ZBTB16: variants seen among roughly 807,000 people sequenced by gnomAD.
ZBTB16 encodes the protein zinc finger and BTB domain-containing protein 16.
Under a neutral mutation model 56.8 loss-of-function variants are expected in ZBTB16, and 8 were observed. That is an observed-to-expected ratio of 0.14 (90% CI 0.08 to 0.25). The LOEUF is 0.25. Ranked by LOEUF, ZBTB16 falls within the 10% of genes least tolerant of loss-of-function variation. ZBTB16 has a pLI of 1.00. For synonymous variants in ZBTB16, 363 were observed against 368.5 expected, an observed-to-expected ratio of 0.98 and a Z score of 0.17; for missense variants, 625 against 903.0, an observed-to-expected ratio of 0.69 and a Z score of 3.95.
At chr11:114,220,856 G>A (rs1044877031) in intron 4 of ZBTB16, among the ~76,000 whole-genome samples, 3 of 152,180 alleles carry the variant, frequency 2.0e-5, no homozygotes, top group Admixed American at 2.0e-4. Context: ...AGTTTTGGGT[G>A]GTGCAGGTCC....
At chr11:114,217,630 T>C (rs1944135409) in intron 4 of ZBTB16, among the ~76,000 whole-genome samples, 1 of 152,156 alleles carries the variant, frequency 6.6e-6, no homozygotes. Flanking sequence ...GCTAGGTATA[T>C]GGATTTTGTG....
At chr11:114,106,472 CTT>C (rs59505866) in intron 2 of ZBTB16, among the ~76,000 whole-genome samples, 26 of 139,540 alleles carry the variant, frequency 1.9e-4, no homozygotes, top group Admixed American at 2.9e-4. Context: ...TCACGATCTT[CTT>C]TTTTTTTTTT....
intron 2 of ZBTB16, among the ~76,000 whole-genome samples, chr11:114,148,393 TTCCCTCCC>T (rs869187426): frequency 3.6e-5 from 1 of 27,442 alleles, no homozygotes; most frequent in Non-Finnish European, 7.5e-5. Context: ...TCCTTCCTCC[TTCCCTCCC>T]TCCCTCCCTC....
chr11:114,206,232 C>T (rs1943869150), intron 4 of ZBTB16, among the ~76,000 whole-genome samples: 1 of 152,174 alleles, frequency 6.6e-6, no homozygotes, highest in East Asian at 1.9e-4. Context: ...ATTAGGGGTC[C>T]TAGAATTCTA....
intron 2 of ZBTB16, among the ~76,000 whole-genome samples, chr11:114,070,420 C>T (rs943104122): frequency 6.6e-6 from 1 of 152,196 alleles, no homozygotes; most frequent in African/African-American, 2.4e-5. Context: ...GAGTACCTTT[C>T]TAAAGTCTGA....
At chr11:114,161,807 T>C (rs1479011656) in intron 3 of ZBTB16, among the ~76,000 whole-genome samples, 1 of 147,286 alleles carries the variant, frequency 6.8e-6, no homozygotes, top group Non-Finnish European at 1.5e-5. Context: ...TAGAAGGGAC[T>C]GTTGGGCTTT....
chr11:114,247,153 G>A, intron 5 of ZBTB16, 45 bp from the exon 6 acceptor site: 1 of 1,614,026 alleles, frequency 6.2e-7, no homozygotes, highest in Non-Finnish European at 8.5e-7. Context: ...CCTGAAGAGG[G>A]GGCAGGGAGA....
At chr11:114,213,076 G>A (rs1353358742) in intron 4 of ZBTB16, among the ~76,000 whole-genome samples, 1 of 151,958 alleles carries the variant, frequency 6.6e-6, no homozygotes, top group Non-Finnish European at 1.5e-5. Context: ...TGTGCCCACA[G>A]GGGGCCATCC....
At chr11:114,149,417 A>T (rs1179413942) in intron 2 of ZBTB16, among the ~76,000 whole-genome samples, 1 of 151,940 alleles carries the variant, frequency 6.6e-6, no homozygotes, top group Non-Finnish European at 1.5e-5. Flanking sequence ...GTCTTCCCTA[A>T]CTCTCCTGGT....
At chr11:114,247,122 A>C (rs1054062454) in intron 5 of ZBTB16, 76 bp from the exon 6 acceptor site, 1 of 1,607,146 alleles carries the variant, frequency 6.2e-7, no homozygotes, top group Non-Finnish European at 8.5e-7. Context: ...CTTCTCATGC[A>C]CAGAATGTGC....
Position 114,252,417 on chromosome 11 carries a change from G to A in ZBTB16, c.*1862G>A, listed in dbSNP as rs1263843530. Among the ~76,000 whole-genome samples the A allele has an allele frequency of 1.9e-4, 29 of 151,836 alleles. No individual in the cohort carries two copies. Among genetic ancestry groups the A allele is most frequent in the Admixed American group, 1.4e-3 (22 of 15,246 alleles). On this transcript the variant is annotated 3_prime_UTR_variant, in exon 7 of 7. Transcript: ENST00000335953. ...GATCCAGCCTTTGTTTTGTTGTGTT[G>A]GGGTGGGGGTGTTGTTTTTCTAAAA...
intron 4 of ZBTB16, chr11:114,189,796 T>C (rs1263158169): frequency 6.6e-6 from 1 of 151,526 alleles, no homozygotes; most frequent in Non-Finnish European, 1.5e-5. Flanking sequence ...AACACAGAAT[T>C]ATCATACGAT....
chr11:114,120,080 A>G (rs141067969), intron 2 of ZBTB16, among the ~76,000 whole-genome samples: 55 of 152,328 alleles, frequency 3.6e-4, no homozygotes, highest in African/African-American at 1.3e-3. Flanking sequence ...GTCTGGAGGC[A>G]GTGGAATGAG....
chr11:114,075,169 A>G (rs1330286719), intron 2 of ZBTB16, among the ~76,000 whole-genome samples: 1 of 152,166 alleles, frequency 6.6e-6, no homozygotes, highest in East Asian at 1.9e-4. Flanking sequence ...GTTGGCTGCA[A>G]AGTGGTAAGA....
rs531730779 is a variant in ZBTB16, at chr11:114,252,993, G to T, written c.*2438G>T. Reference sequence around the variant, plus strand: ...GGAAAAGAAGTTAAACTTGAAATACGTGACTAGAACAGTTGTCATGTTTAT... The same window carrying T: ...GGAAAAGAAGTTAAACTTGAAATACTTGACTAGAACAGTTGTCATGTTTAT... On this transcript the variant is annotated 3_prime_UTR_variant, in exon 7 of 7. Coordinates refer to ENST00000335953, the MANE Select transcript of ZBTB16 (RefSeq NM_006006.6). Among the ~76,000 whole-genome samples, 1 of 152,144 alleles carries T rather than the reference G, an allele frequency of 6.6e-6. No homozygotes were observed. The highest frequency in any genetic ancestry group is 1.5e-5 in the Non-Finnish European group (1 of 68,042).
chr11:114,153,796 A>G (rs934887643), intron 2 of ZBTB16, among the ~76,000 whole-genome samples: 2 of 152,214 alleles, frequency 1.3e-5, no homozygotes, highest in Non-Finnish European at 2.9e-5. Flanking sequence ...CTTTTGAATG[A>G]TAAAATTTTG....
chr11:114,216,995 ACCC>A (rs1944117418), intron 4 of ZBTB16, among the ~76,000 whole-genome samples: 1 of 152,228 alleles, frequency 6.6e-6, no homozygotes, highest in Admixed American at 6.5e-5. Context: ...CTCAGCAGAT[ACCC>A]AGGGGACAGA....
chr11:114,182,248 C>T (rs371334542), intron 3 of ZBTB16, among the ~76,000 whole-genome samples: 1 of 152,286 alleles, frequency 6.6e-6, no homozygotes. Flanking sequence ...TGGGGTTTCA[C>T]CATGTTGGCC....
chr11:114,146,764 G>T (rs544349495), intron 2 of ZBTB16, among the ~76,000 whole-genome samples: 10 of 150,560 alleles, frequency 6.6e-5, no homozygotes. Context: ...CACGAGAATC[G>T]CCTGAACCTG....
Sources: gnomAD v4.1 joint callset for allele counts (sites outside exome capture counted in the v4.1 genomes callset) on GRCh38, gnomAD v4.1.1 for gene constraint, MANE v1.5 for transcripts, NCBI Gene and HGNC (gene_info 2026-07-23, HGNC 2026-07-21) for gene names.